TAOK3: variants seen among roughly 807,000 people sequenced by gnomAD.
The protein encoded by TAOK3 is TAO kinase 3, also known as serine/threonine-protein kinase TAO3.
In TAOK3, 40 loss-of-function variants were observed where a neutral mutation model predicts 120.4. That is an observed-to-expected ratio of 0.33 (90% confidence interval 0.26 to 0.43). The LOEUF (loss-of-function observed/expected upper bound fraction) is 0.43, where lower values mean the gene tolerates loss of function less well. Ranked by LOEUF, TAOK3 falls within the 20% of genes least tolerant of loss-of-function variation. The probability of loss-of-function intolerance (pLI) is 1.00; values close to 1 mark genes in which losing one functional copy is unlikely to be tolerated. For missense variants in TAOK3, 821 were observed against 1,112.1 expected (o/e 0.74, Z 3.72); for synonymous variants, 355 against 387.5 (o/e 0.92, Z 0.99).
chr12:118,151,983 C>T (rs919887948), intron 20 of TAOK3, among the ~76,000 whole-genome samples: 2 of 152,126 alleles, frequency 1.3e-5, no homozygotes, highest in African/African-American at 4.8e-5. Flanking sequence ...TGGCTGGGAA[C>T]GTTGAGGGTT....
At chr12:118,211,063 G>T (rs576159690) in intron 11 of TAOK3, among the ~76,000 whole-genome samples, 275 of 152,220 alleles carry the variant, frequency 1.8e-3, no homozygotes, top group Non-Finnish European at 3.3e-3. Flanking sequence ...ACTCCTTCTT[G>T]TAAGTTTCAC....
At chr12:118,189,776 A>C (rs2037322718) in intron 14 of TAOK3, 31 bp downstream of exon 14, 1 of 1,612,782 alleles carries the variant, frequency 6.2e-7, no homozygotes, top group Admixed American at 1.7e-5. Context: ...AGGGGAAGGA[A>C]GGGAAGGTGG....
chr12:118,214,154 C>T (rs1253576233), intron 9 of TAOK3, 44 bp from the exon 10 acceptor site: 1 of 1,469,638 alleles, frequency 6.8e-7, no homozygotes, highest in African/African-American at 1.4e-5. Context: ...TTGAAGGAAA[C>T]CAGGCAGACA....
At chr12:118,326,307 A>G (rs1349313871) in intron 1 of TAOK3, among the ~76,000 whole-genome samples, 1 of 152,190 alleles carries the variant, frequency 6.6e-6, no homozygotes, top group Non-Finnish European at 1.5e-5. Flanking sequence ...GTTGAAAATA[A>G]GTTGACTGTG....
At chr12:118,286,576 T>G (rs553807367) in intron 1 of TAOK3, among the ~76,000 whole-genome samples, 45 of 149,456 alleles carry the variant, frequency 3.0e-4, no homozygotes, top group African/African-American at 1.1e-3. Context: ...AAAACAGATG[T>G]TAGCATGGAT....
At chr12:118,303,069 C>T (rs1342293106) in intron 1 of TAOK3, among the ~76,000 whole-genome samples, 1 of 152,194 alleles carries the variant, frequency 6.6e-6, no homozygotes, top group Non-Finnish European at 1.5e-5. Flanking sequence ...CACTCTCATT[C>T]CTTTACTGAA....
At chr12:118,328,114 T>C (rs1593561081) in intron 1 of TAOK3, among the ~76,000 whole-genome samples, 1 of 151,552 alleles carries the variant, frequency 6.6e-6, no homozygotes, top group South Asian at 2.1e-4. Context: ...AGTGCAGTGG[T>C]GCGATTTTGG....
intron 2 of TAOK3, among the ~76,000 whole-genome samples, chr12:118,261,270 G>A (rs2041217411): frequency 6.6e-6 from 1 of 152,128 alleles, no homozygotes; most frequent in African/African-American, 2.4e-5. Flanking sequence ...ATTTGAGGAA[G>A]TAATAGTGGA....
At chr12:118,240,363 G>C (rs886370550) in intron 5 of TAOK3, among the ~76,000 whole-genome samples, 2 of 151,870 alleles carry the variant, frequency 1.3e-5, no homozygotes, top group East Asian at 3.9e-4. Flanking sequence ...ATTTTTAGTA[G>C]AGACGGGGTT....
Position 118,190,028 on chromosome 12 carries a change from G to C in TAOK3, c.1195-87C>G. On this transcript the variant is annotated intron_variant, in intron 13 of 20. Coordinates refer to ENST00000392533, the MANE Select transcript of TAOK3 (RefSeq NM_016281.4). The stretch of plus-strand genomic sequence containing the variant: ...CTCTCTCACCCCTCTTTCTGCACAA[G>C]CACTGCTGTTTGAAATGCATAGTTT... The C allele has an allele frequency of 4.5e-6, 7 of 1,549,850 alleles. No individual in the cohort carries two copies. In the South Asian group the frequency reaches 8.1e-5, roughly 18 times the overall value.
Position 118,161,406 on chromosome 12 carries a change from CT to C in TAOK3, c.2139+381del, listed in dbSNP as rs2035210952. Among the ~76,000 whole-genome samples, 1 of 152,166 alleles carries C rather than the reference CT, an allele frequency of 6.6e-6. No homozygotes were observed. The highest frequency in any genetic ancestry group is 1.5e-5 in the Non-Finnish European group (1 of 68,014). Reference sequence around the variant, plus strand: ...TCTTTCCTCCTAAGCTTGGATGTGGCTTTAGAGTCTTTCTCAATACAGCAGT... The same window carrying C: ...TCTTTCCTCCTAAGCTTGGATGTGGCTTAGAGTCTTTCTCAATACAGCAGT... On this transcript the variant is annotated intron_variant, in intron 18 of 20. Coordinates refer to ENST00000392533, the MANE Select transcript of TAOK3 (RefSeq NM_016281.4). The surrounding 1 kb of genome is among the most constrained non-coding windows in gnomAD (Gnocchi z 4.5).
Position 118,226,763 on chromosome 12 carries a change from T to A in TAOK3, c.643+6911A>T, listed in dbSNP as rs1020972305. On this transcript the variant is annotated intron_variant, in intron 9 of 20. Transcript: ENST00000392533. ...CAGTAAATCATTTTATAAAATGCAA[T>A]CAAAGGCTGATACAGAGAGCATGTA... is the stretch of plus-strand genomic sequence containing the variant. 4.9e-4 allele frequency among the ~76,000 whole-genome samples: 74 copies of A among 152,244 alleles called. 1 individual carries two copies. Among genetic ancestry groups the A allele is most frequent in the African/African-American group, 1.7e-3 (70 of 41,546 alleles).
At chr12:118,312,784 T>C (rs2043308700) in intron 1 of TAOK3, among the ~76,000 whole-genome samples, 1 of 152,204 alleles carries the variant, frequency 6.6e-6, no homozygotes, top group African/African-American at 2.4e-5. Context: ...CCTTGCACTC[T>C]GACATTATTT....
intron 1 of TAOK3, among the ~76,000 whole-genome samples, chr12:118,291,128 T>A (rs2042461772): frequency 6.6e-6 from 1 of 151,602 alleles, no homozygotes; most frequent in Admixed American, 6.6e-5. Context: ...AGTACTGGGA[T>A]TACAGGAGTG....
At chr12:118,155,483 A>G (rs1433480046) in intron 19 of TAOK3, among the ~76,000 whole-genome samples, 1 of 152,258 alleles carries the variant, frequency 6.6e-6, no homozygotes, top group Admixed American at 6.5e-5. Flanking sequence ...GCTTTACTTC[A>G]GTGAACTTCA....
intron 11 of TAOK3, among the ~76,000 whole-genome samples, chr12:118,206,881 C>T (rs142740846): frequency 0.03 from 4,627 of 152,198 alleles, 154 homozygotes; most frequent in East Asian, 0.17. Flanking sequence ...AGGCGTGAGC[C>T]ACTGCACCCG....
intron 1 of TAOK3, among the ~76,000 whole-genome samples, chr12:118,339,275 CTTTTTTTTTTTT>C (rs72009582): frequency 9.2e-5 from 8 of 86,922 alleles, no homozygotes; most frequent in South Asian, 4.8e-4. Flanking sequence ...CTTCATCATA[CTTTTTTTTTTTT>C]TTTTTTTTTT....
At chr12:118,340,182 A>T (rs1027450144) in intron 1 of TAOK3, among the ~76,000 whole-genome samples, 2 of 152,206 alleles carry the variant, frequency 1.3e-5, no homozygotes, top group African/African-American at 4.8e-5. Context: ...GTGTATATAT[A>T]CATGTATTTG....
intron 1 of TAOK3, among the ~76,000 whole-genome samples, chr12:118,269,761 C>A (rs2041624110): frequency 1.3e-5 from 2 of 152,188 alleles, no homozygotes; most frequent in African/African-American, 4.8e-5. Flanking sequence ...CTCTCTAAGA[C>A]TTCTAGGAAT....
Sources: gnomAD v4.1 joint callset for allele counts (sites outside exome capture counted in the v4.1 genomes callset) on GRCh38, gnomAD v4.1.1 for gene constraint, Gnocchi (gnomAD v3.1) non-coding constraint, MANE v1.5 for transcripts, NCBI Gene and HGNC (gene_info 2026-07-23, HGNC 2026-07-21) for gene names.